ULK4: variants seen among roughly 807,000 people sequenced by gnomAD.
ULK4 encodes the protein unc-51 like kinase 4, also known as inactive serine/threonine-protein kinase ULK4.
Under a neutral mutation model 160.6 loss-of-function variants are expected in ULK4, and 133 were observed. The ratio of observed to expected loss-of-function variants is 0.83; its 90% CI spans 0.72 to 0.96. ULK4 has a LOEUF of 0.96. Ranked by LOEUF, ULK4 falls within the 40% of genes least tolerant of loss-of-function variation. The probability of loss-of-function intolerance (pLI) is 0.00; values close to 1 mark genes in which losing one functional copy is unlikely to be tolerated. For missense variants in ULK4, 1,580 were observed against 1,499.5 expected, an observed-to-expected ratio of 1.05 and a Z score of -0.89; for synonymous variants, 534 against 539.8, an observed-to-expected ratio of 0.99 and a Z score of 0.15.
chr3:41,936,733 G>A (rs1176998421), intron 3 of ULK4, among the ~76,000 whole-genome samples: 1 of 152,146 alleles, frequency 6.6e-6, no homozygotes, highest in Non-Finnish European at 1.5e-5. Context: ...GAATCATGGA[G>A]ATAGAGAACA....
At chr3:41,454,082 T>G (rs1339911901) in intron 34 of ULK4, among the ~76,000 whole-genome samples, 1 of 146,240 alleles carries the variant, frequency 6.8e-6, no homozygotes. Flanking sequence ...ATGTAAATGA[T>G]GACTTAATGG....
chr3:41,715,011 C>T (rs2037218348), intron 25 of ULK4, among the ~76,000 whole-genome samples: 1 of 152,074 alleles, frequency 6.6e-6, no homozygotes, highest in African/African-American at 2.4e-5. Flanking sequence ...CATATTTACC[C>T]TATTTGGGCT....
chr3:41,534,709 T>C (rs2086435967), intron 32 of ULK4, among the ~76,000 whole-genome samples: 1 of 152,142 alleles, frequency 6.6e-6, no homozygotes, highest in Admixed American at 6.5e-5. Context: ...ATAAGGACCA[T>C]AATTATTTTA....
intron 18 of ULK4, among the ~76,000 whole-genome samples, chr3:41,824,644 G>C (rs993872757): frequency 1.3e-5 from 2 of 152,178 alleles, no homozygotes; most frequent in Non-Finnish European, 2.9e-5. Context: ...GCCGAGGCTT[G>C]AGTAGGTAAA....
chr3:41,607,954 C>T (rs991246975), intron 31 of ULK4, among the ~76,000 whole-genome samples: 1 of 152,100 alleles, frequency 6.6e-6, no homozygotes, highest in African/African-American at 2.4e-5. Context: ...GGAGAACATC[C>T]GCTAGCTATA....
chr3:41,783,083 C>T lies in ULK4; in HGVS notation c.2193+6578G>A, dbSNP rs114870029. ...CAGCAGAGAAGAGGGAATATGTCAACGCGTACATGTGTATATGTATATATA... is the reference window on the plus strand; with the variant it reads ...CAGCAGAGAAGAGGGAATATGTCAATGCGTACATGTGTATATGTATATATA... On this transcript the variant is annotated intron_variant, in intron 21 of 36. Transcript: ENST00000301831. 1.0e-3 allele frequency among the ~76,000 whole-genome samples: 155 copies of T among 150,634 alleles called. 1 individual carries two copies. The highest frequency in any genetic ancestry group is 3.5e-3 in the African/African-American group (144 of 40,924).
chr3:41,569,681 TGCC>T (rs1559402873), intron 31 of ULK4, among the ~76,000 whole-genome samples: 1 of 152,170 alleles, frequency 6.6e-6, no homozygotes, highest in African/African-American at 2.4e-5. Context: ...CTATTTATAT[TGCC>T]TTTTACACCG....
At position 41,710,519 on chromosome 3, in the gene ULK4, C is replaced by T. The variant is rs551811465; in HGVS notation, c.2634+4718G>A. 3.9e-5 allele frequency among the ~76,000 whole-genome samples: 6 copies of T among 152,230 alleles called. No homozygotes were observed. In the South Asian group the frequency reaches 1.0e-3, roughly 26 times the overall value. ...CATTAAGATTTGTCAGAGAACCGGA[C>T]GTGGTGGCTCATGCCTATAATCCCA... is the stretch of plus-strand genomic sequence containing the variant. On this transcript the variant is annotated intron_variant, in intron 25 of 36. Transcript: ENST00000301831.
chr3:41,596,793 A>G (rs188264756), intron 31 of ULK4, among the ~76,000 whole-genome samples: 1 of 152,278 alleles, frequency 6.6e-6, no homozygotes, highest in East Asian at 1.9e-4. Context: ...TGCAGGATGG[A>G]CCATTCATAT....
At chr3:41,636,627 T>A (rs2033960886) in intron 30 of ULK4, among the ~76,000 whole-genome samples, 1 of 151,956 alleles carries the variant, frequency 6.6e-6, no homozygotes, top group African/African-American at 2.4e-5. Context: ...TTATTATACT[T>A]TAAGTTTTAG....
At position 41,898,511 on chromosome 3, in the gene ULK4, GA is replaced by G; in HGVS notation, c.1288-20del. 1 of 1,498,916 alleles carries G rather than the reference GA, an allele frequency of 6.7e-7. No individual in the cohort carries two copies. 92.9% of individuals were successfully genotyped at this position (1,498,916 alleles called of 1,614,324 possible). ...TCATTATCTGTGGTTTAAAAAAAAA[GA>G]AAGCTTTTGAGACAATTTTTAAGAT... On this transcript the variant is annotated intron_variant, in intron 13 of 36. Coordinates refer to ENST00000301831, the MANE Select transcript of ULK4 (RefSeq NM_017886.4).
chr3:41,793,237 T>C (rs1389504652), intron 20 of ULK4, among the ~76,000 whole-genome samples: 3 of 152,014 alleles, frequency 2.0e-5, no homozygotes, highest in Non-Finnish European at 4.4e-5. Context: ...GAAAAAACTG[T>C]TCCAGTTCAA....
chr3:41,622,116 T>C (rs1231371881), intron 30 of ULK4, among the ~76,000 whole-genome samples: 1 of 152,198 alleles, frequency 6.6e-6, no homozygotes, highest in African/African-American at 2.4e-5. Flanking sequence ...AAACACCAGA[T>C]ACTGGCAAGG....
intron 27 of ULK4, among the ~76,000 whole-genome samples, chr3:41,701,275 C>A (rs1231051133): frequency 6.6e-6 from 1 of 151,498 alleles, no homozygotes; most frequent in African/African-American, 2.4e-5. Flanking sequence ...TTAGTTACAT[C>A]ATAGTGAATC....
intron 30 of ULK4, among the ~76,000 whole-genome samples, chr3:41,643,988 C>G (rs549582370): frequency 2.4e-4 from 37 of 152,176 alleles, no homozygotes; most frequent in African/African-American, 8.2e-4. Flanking sequence ...ATTTGGCTCT[C>G]TGTTTGTCTG....
At chr3:41,857,142 C>T (rs1446874823) in intron 17 of ULK4, among the ~76,000 whole-genome samples, 1 of 152,162 alleles carries the variant, frequency 6.6e-6, no homozygotes, top group Admixed American at 6.5e-5. Context: ...ACAGCATAAA[C>T]TAGGCTGACT....
chr3:41,267,655 C>T (rs896352908), intron 35 of ULK4, among the ~76,000 whole-genome samples: 1 of 152,004 alleles, frequency 6.6e-6, no homozygotes, highest in Non-Finnish European at 1.5e-5. Flanking sequence ...TTCTAAATGC[C>T]CTACCACTAT....
intron 34 of ULK4, among the ~76,000 whole-genome samples, chr3:41,441,707 G>A (rs2083174433): frequency 6.6e-6 from 1 of 152,102 alleles, no homozygotes; most frequent in Non-Finnish European, 1.5e-5. Context: ...ATCAGGTAAA[G>A]TTAGGTGGTA....
intron 30 of ULK4, among the ~76,000 whole-genome samples, chr3:41,618,944 T>C (rs1010541467): frequency 6.9e-6 from 1 of 144,620 alleles, no homozygotes; most frequent in African/African-American, 2.6e-5. Flanking sequence ...ACCAAGCAAA[T>C]GAAAAGAAAA....
Sources: gnomAD v4.1 joint callset for allele counts (sites outside exome capture counted in the v4.1 genomes callset) on GRCh38, gnomAD v4.1.1 for gene constraint, MANE v1.5 for transcripts, NCBI Gene and HGNC (gene_info 2026-07-23, HGNC 2026-07-21) for gene names.